PBRM1: variants seen among roughly 807,000 people sequenced by gnomAD.
The protein encoded by PBRM1 is polybromo 1, also known as protein polybromo-1.
PBRM1 carries 27 observed loss-of-function variants against 194.5 expected under a neutral mutation model. The ratio of observed to expected loss-of-function variants is 0.14; its 90% confidence interval spans 0.10 to 0.19. PBRM1 has a LOEUF of 0.19. Among genes scored for constraint, PBRM1 ranks in the 10% least tolerant of loss-of-function variants. PBRM1 has a pLI of 1.00. For synonymous variants in PBRM1, 655 were observed against 693.2 expected, an observed-to-expected ratio of 0.94 and a Z score of 0.87; for missense variants, 1,466 against 2,077.2, an observed-to-expected ratio of 0.71 and a Z score of 5.72.
upstream of PBRM1, among the ~76,000 whole-genome samples, chr3:52,680,510 A>G (rs1006543949): frequency 6.6e-6 from 1 of 152,226 alleles, no homozygotes; most frequent in Non-Finnish European, 1.5e-5. Flanking sequence ...AATTTTAACT[A>G]TAACTCTATT....
chr3:52,589,037 A>C (rs933870865), intron 18 of PBRM1, 33 bp downstream of exon 20: 18 of 1,534,282 alleles, frequency 1.2e-5, no homozygotes, highest in Non-Finnish European at 1.5e-5. Flanking sequence ...GTCATATCTC[A>C]CTAAACTGTC....
chr3:52,661,491 A>G (rs913231588), intron 4 of PBRM1, among the ~76,000 whole-genome samples: 1 of 152,226 alleles, frequency 6.6e-6, no homozygotes, highest in Non-Finnish European at 1.5e-5. Flanking sequence ...ACATATAGTG[A>G]CATTATAAAA....
intron 17 of PBRM1, among the ~76,000 whole-genome samples, chr3:52,597,621 C>T (rs1275340582): frequency 3.3e-5 from 5 of 152,078 alleles, no homozygotes; most frequent in Non-Finnish European, 7.4e-5. Flanking sequence ...GGTACTGGCA[C>T]CATCACAGCT....
intron 26 of PBRM1, among the ~76,000 whole-genome samples, chr3:52,555,989 C>G (rs1043293089): frequency 1.3e-5 from 2 of 152,098 alleles, no homozygotes; most frequent in African/African-American, 4.8e-5. Flanking sequence ...AAAGCTCCCC[C>G]CAAAATGCAG....
intron 11 of PBRM1, among the ~76,000 whole-genome samples, chr3:52,630,766 T>C (rs957248375): frequency 7.2e-5 from 11 of 152,176 alleles, no homozygotes; most frequent in African/African-American, 2.4e-5. Flanking sequence ...CATTATAAAT[T>C]AGAAAGGGGA....
At chr3:52,567,145 T>C (rs1438162664) in intron 22 of PBRM1, among the ~76,000 whole-genome samples, 1 of 151,732 alleles carries the variant, frequency 6.6e-6, no homozygotes, top group Admixed American at 6.6e-5. Context: ...CCATAAATGG[T>C]AGCATATCAC....
At chr3:52,643,139 AC>A in intron 9 of PBRM1, 108 bp downstream of exon 10, 1 of 816,020 alleles carries the variant, frequency 1.2e-6, no homozygotes, top group Non-Finnish European at 2.1e-6. Flanking sequence ...CTCATTAACA[AC>A]CAAACTATAC....
At chr3:52,652,640 A>G (rs2096527911) in intron 5 of PBRM1, among the ~76,000 whole-genome samples, 1 of 151,836 alleles carries the variant, frequency 6.6e-6, no homozygotes, top group South Asian at 2.1e-4. Context: ...CAGCGAGCCG[A>G]GATCATGCCA....
At chr3:52,581,627 T>C (rs1280250648) in intron 20 of PBRM1, among the ~76,000 whole-genome samples, 1 of 151,968 alleles carries the variant, frequency 6.6e-6, no homozygotes, top group East Asian at 1.9e-4. Context: ...AGGAATGGGT[T>C]CTATTCTAAA....
exon 1 of PBRM1, chr3:52,679,626 G>A (rs1162990450): frequency 1.2e-6 from 2 of 1,613,998 alleles, no homozygotes; most frequent in Non-Finnish European, 1.7e-6. Flanking sequence ...GCTTGGGCCT[G>A]GTGTTGACAC....
chr3:52,638,963 A>G (rs921255061), intron 10 of PBRM1, among the ~76,000 whole-genome samples: 4 of 117,336 alleles, frequency 3.4e-5, no homozygotes. Flanking sequence ...ATATATTTGC[A>G]TAACGTTATT....
intron 22 of PBRM1, among the ~76,000 whole-genome samples, chr3:52,569,647 G>A (rs1277417674): frequency 1.3e-5 from 2 of 152,152 alleles, no homozygotes; most frequent in Non-Finnish European, 2.9e-5. Context: ...ACCTACCTAG[G>A]CATATGGTAC....
intron 17 of PBRM1, among the ~76,000 whole-genome samples, chr3:52,601,411 G>C (rs2093983417): frequency 6.6e-6 from 1 of 152,208 alleles, no homozygotes; most frequent in East Asian, 1.9e-4. Context: ...CAGGCATTAA[G>C]AGTTTCATAA....
intron 13 of PBRM1, among the ~76,000 whole-genome samples, chr3:52,625,372 G>T (rs2095414166): frequency 6.6e-6 from 1 of 151,978 alleles, no homozygotes; most frequent in South Asian, 2.1e-4. Flanking sequence ...CAAAGTATAA[G>T]ACTTAATCCT....
chr3:52,548,332 A>G, intron 29 of PBRM1, 97 bp from the exon 32 acceptor site: 1 of 708,160 alleles, frequency 1.4e-6, no homozygotes. Flanking sequence ...AACACAAAAC[A>G]TTGAATATTT....
rs567693710 is a variant in PBRM1, at chr3:52,586,331, C to T, written c.3387+94G>A. 5.0e-3 allele frequency: 5,416 copies of T among 1,075,906 alleles called. 22 individuals carry two copies. Among genetic ancestry groups the T allele is most frequent in the Non-Finnish European group, 6.0e-3 (4,466 of 742,094 alleles). 66.6% of individuals were successfully genotyped at this position (1,075,906 alleles called of 1,614,324 possible). A position where few individuals can be genotyped will look rare whatever the true frequency, so the allele number is the denominator to read the frequency against. Reference sequence around the variant, plus strand: ...GTTTGGCTAAGGTTTTGTGTTGTTGCTCTTTTTCTAAGTTTGAATACTTTA... The same window carrying T: ...GTTTGGCTAAGGTTTTGTGTTGTTGTTCTTTTTCTAAGTTTGAATACTTTA... On this transcript the variant is annotated intron_variant, in intron 20 of 29. Coordinates refer to ENST00000296302, the Ensembl canonical transcript of PBRM1.
chr3:52,633,379 T>C (rs1192633220), intron 11 of PBRM1, among the ~76,000 whole-genome samples: 4 of 152,212 alleles, frequency 2.6e-5, no homozygotes, highest in South Asian at 2.1e-4. Flanking sequence ...TAATATTCCA[T>C]TGTATGTACA....
rs751147520 is a variant in PBRM1 at position 52,554,676 on chromosome 3, G to T, written c.4609+48C>A. On this transcript the variant is annotated intron_variant, in intron 27 of 29. Transcript: ENST00000296302. ...GAACAACTGGTTGAAAGCGGAAAAA[G>T]AGAATATGAAGATGAGATTAATGAG... is the stretch of plus-strand genomic sequence containing the variant. The T allele has an allele frequency of 1.8e-5, 26 of 1,468,496 alleles. No homozygotes were observed. The Middle Eastern group carries it at 7.1e-4, about 40-fold the overall frequency. 91.0% of individuals were successfully genotyped at this position (1,468,496 alleles called of 1,614,324 possible).
At chr3:52,642,946 C>T (rs950750279) in intron 9 of PBRM1, among the ~76,000 whole-genome samples, 5 of 151,992 alleles carry the variant, frequency 3.3e-5, no homozygotes, top group Non-Finnish European at 7.4e-5. Context: ...GCCACCACAC[C>T]CAGCTAATTT....
Sources: allele counts gnomAD v4.1 joint callset (sites outside exome capture counted in the v4.1 genomes callset), GRCh38; gene constraint gnomAD v4.1.1; transcripts MANE v1.5; gene names NCBI Gene and HGNC (gene_info 2026-07-23, HGNC 2026-07-21).